SLC6A6: variants seen among roughly 807,000 people sequenced by gnomAD.
The protein encoded by SLC6A6 is sodium- and chloride-dependent taurine transporter.
SLC6A6 carries 16 observed loss-of-function variants against 68.8 expected under a neutral mutation model. The observed-to-expected ratio is 0.23, with a 90% CI of 0.16 to 0.35. The LOEUF (loss-of-function observed/expected upper bound fraction) is 0.35, where lower values mean the gene tolerates loss of function less well. Among genes scored for constraint, SLC6A6 ranks in the 10% least tolerant of loss-of-function variants. The probability of loss-of-function intolerance (pLI) is 1.00; values close to 1 mark genes in which losing one functional copy is unlikely to be tolerated. For missense variants in SLC6A6, 474 were observed against 802.8 expected, an observed-to-expected ratio of 0.59 and a Z score of 4.95; for synonymous variants, 312 against 315.4, an observed-to-expected ratio of 0.99 and a Z score of 0.12.
intron 6 of SLC6A6, among the ~76,000 whole-genome samples, chr3:14,463,591 G>T (rs370840801): frequency 6.6e-6 from 1 of 152,244 alleles, no homozygotes; most frequent in Non-Finnish European, 1.5e-5. Context: ...AAGGGCCCCA[G>T]AGGTGGGAAC....
chr3:14,476,865 C>T (rs967583382), intron 10 of SLC6A6, among the ~76,000 whole-genome samples: 17 of 152,202 alleles, frequency 1.1e-4, no homozygotes, highest in African/African-American at 3.4e-4. Context: ...GCTTCAGAGG[C>T]GCAGTTGTTC....
intron 3 of SLC6A6, among the ~76,000 whole-genome samples, chr3:14,444,548 G>C (rs528752900): frequency 6.6e-6 from 1 of 152,296 alleles, no homozygotes; most frequent in South Asian, 2.1e-4. Flanking sequence ...AGCACCTAAC[G>C]GTGGTTTCTT....
At chr3:14,412,478 G>A (rs1242430025) in intron 1 of SLC6A6, among the ~76,000 whole-genome samples, 3 of 152,148 alleles carry the variant, frequency 2.0e-5, no homozygotes, top group Admixed American at 6.5e-5. Context: ...TCAGGAGTTC[G>A]AGACCAGCCT....
chr3:14,466,928 G>A (rs934474849), intron 7 of SLC6A6, among the ~76,000 whole-genome samples: 1 of 152,202 alleles, frequency 6.6e-6, no homozygotes, highest in Admixed American at 6.5e-5. Context: ...CTGCACCAAG[G>A]GGGAGAAATC....
rs1487895451 is a variant in SLC6A6 at position 14,451,569 on chromosome 3, G to T, written c.599+3753G>T. The stretch of plus-strand genomic sequence containing the variant: ...ACATTTGAACTTTGTTCTCTTGGAG[G>T]AGGAACCATAGAAGGTATATGAGAA... On this transcript the variant is annotated intron_variant, in intron 5 of 14. Coordinates refer to ENST00000622186, the MANE Select transcript of SLC6A6 (RefSeq NM_003043.6). Among the ~76,000 whole-genome samples, 3 of 152,206 alleles carry T rather than the reference G, an allele frequency of 2.0e-5. No homozygotes were observed. In the East Asian group the frequency reaches 5.8e-4, roughly 29 times the overall value.
At chr3:14,480,439 AC>A (rs1700980777) in intron 13 of SLC6A6, among the ~76,000 whole-genome samples, 1 of 150,868 alleles carries the variant, frequency 6.6e-6, no homozygotes, top group African/African-American at 2.5e-5. Context: ...AGATGAGGTC[AC>A]CCTCATGGAG....
rs924698361 is a variant in SLC6A6, at chr3:14,468,884, A to C, written c.1096+672A>C. On this transcript the variant is annotated intron_variant, in intron 9 of 14. Coordinates refer to ENST00000622186, the MANE Select transcript of SLC6A6 (RefSeq NM_003043.6). This position sits in a 1 kb window ranked among gnomAD's most constrained non-coding sequence, Gnocchi z 4.5. ...TGGAGTCACAGGCATGGAGGATGCCAGTGGCTTAGAATCACGGACTCTGCA... is the reference window on the plus strand; with the variant it reads ...TGGAGTCACAGGCATGGAGGATGCCCGTGGCTTAGAATCACGGACTCTGCA... Among the ~76,000 whole-genome samples the C allele has an allele frequency of 6.6e-6, 1 of 152,102 alleles. No individual in the cohort carries two copies. The highest frequency in any genetic ancestry group is 1.5e-5 in the Non-Finnish European group (1 of 68,020).
chr3:14,445,688 C>T, intron 3 of SLC6A6, 29 bp from the exon 4 acceptor site: 2 of 1,613,850 alleles, frequency 1.2e-6, no homozygotes, highest in Non-Finnish European at 1.7e-6. Flanking sequence ...TGGCCACAGC[C>T]TCACTTTTGC....
At chr3:14,429,113 T>TGCCCAGCTCCAGGA (rs1699666106) in intron 2 of SLC6A6, among the ~76,000 whole-genome samples, 1 of 152,210 alleles carries the variant, frequency 6.6e-6, no homozygotes, top group African/African-American at 2.4e-5. Flanking sequence ...CTCACTCAGC[T>TGCCCAGCTCCAGGA]GCCCAGCTCC....
At chr3:14,422,081 G>C (rs539061874) in intron 2 of SLC6A6, among the ~76,000 whole-genome samples, 1 of 152,312 alleles carries the variant, frequency 6.6e-6, no homozygotes, top group Admixed American at 6.5e-5. Context: ...GTTCCTGGAA[G>C]GCATTTCCAT....
intron 2 of SLC6A6, among the ~76,000 whole-genome samples, chr3:14,438,771 A>G (rs1007276608): frequency 6.6e-6 from 1 of 152,260 alleles, no homozygotes; most frequent in African/African-American, 2.4e-5. Context: ...TCCTAAAAGC[A>G]TGGCAGAAGC....
intron 2 of SLC6A6, among the ~76,000 whole-genome samples, chr3:14,438,956 G>A (rs1368693092): frequency 6.6e-6 from 1 of 152,206 alleles, no homozygotes; most frequent in Non-Finnish European, 1.5e-5. Flanking sequence ...TAGAGGCAAG[G>A]GCTTGACTTT....
At chr3:14,427,136 A>C (rs949296193) in intron 2 of SLC6A6, among the ~76,000 whole-genome samples, 4 of 152,140 alleles carry the variant, frequency 2.6e-5, no homozygotes, top group Admixed American at 2.0e-4. Flanking sequence ...TCTGTGCCTC[A>C]GAGTAGAAGC....
Position 14,481,963 on chromosome 3 carries a change from C to T in SLC6A6, c.1722+122C>T. ...CTCTCTGAGCCATAGTTCCCTCACC[C>T]ATCCAGTGGTTCAGCTTATGGGCAG... On this transcript the variant is annotated intron_variant, in intron 14 of 14. Transcript: ENST00000622186. This position sits in a 1 kb window ranked among gnomAD's most constrained non-coding sequence, Gnocchi z 4.7. 3 of 760,996 alleles carry T rather than the reference C, an allele frequency of 3.9e-6. No individual in the cohort carries two copies. Among genetic ancestry groups the T allele is most frequent in the Non-Finnish European group, 6.4e-6 (3 of 465,828 alleles). 47.1% of individuals were successfully genotyped at this position (760,996 alleles called of 1,614,324 possible). A position where few individuals can be genotyped will look rare whatever the true frequency, so the allele number is the denominator to read the frequency against.
At position 14,450,977 on chromosome 3, in the gene SLC6A6, G is replaced by A. The variant is rs115702689; in HGVS notation, c.599+3161G>A. Among the ~76,000 whole-genome samples the A allele has an allele frequency of 8.9e-4, 136 of 152,232 alleles. No homozygotes were observed. Among genetic ancestry groups the A allele is most frequent in the Admixed American group, 1.7e-3 (26 of 15,288 alleles). On this transcript the variant is annotated intron_variant, in intron 5 of 14. Transcript: ENST00000622186. The surrounding 1 kb of genome is among the most constrained non-coding windows in gnomAD (Gnocchi z 4.1). ...CCACATCCAATTCACACATCTTCTT[G>A]GCTCCCCCTTCAGAGTATACCTACA... is the stretch of plus-strand genomic sequence containing the variant.
At chr3:14,474,464 GTC>G (rs1700827698) in intron 10 of SLC6A6, among the ~76,000 whole-genome samples, 1 of 152,122 alleles carries the variant, frequency 6.6e-6, no homozygotes, top group African/African-American at 2.4e-5. Flanking sequence ...ACCACCGTCC[GTC>G]TCCAGAACTT....
intron 1 of SLC6A6, among the ~76,000 whole-genome samples, chr3:14,414,840 A>G (rs1223579790): frequency 1.3e-5 from 2 of 152,138 alleles, no homozygotes; most frequent in African/African-American, 4.8e-5. Flanking sequence ...TGCCATTCTT[A>G]TCCTCCTCTC....
chr3:14,470,265 C>T (rs901428051), intron 9 of SLC6A6, among the ~76,000 whole-genome samples: 6 of 152,338 alleles, frequency 3.9e-5, no homozygotes, highest in South Asian at 2.1e-4. Context: ...TTATTCCCCA[C>T]GGTGATGTCT....
chr3:14,445,767 G>A lies in SLC6A6; in HGVS notation c.280G>A (p.Val94Met), dbSNP rs1305679234. ...TTTCCTGTTTGGGAGCGGCCTGCCTGTGTTTTTCTTGGAGATCATCATAGG... is the reference window on the plus strand; with the variant it reads ...TTTCCTGTTTGGGAGCGGCCTGCCTATGTTTTTCTTGGAGATCATCATAGG... ...FIFLFGSGLP[V>M]FFLEIIIGQY... is the part of the protein sequence containing the mutation. The change falls in exon 4 of 15, where the codon GTG becomes ATG. Residue 94 changes from valine (V) to methionine (M), a missense_variant. By Grantham distance (21) the Val-to-Met change is conservative. Transcript: ENST00000622186. 2 of 1,614,014 alleles carry A rather than the reference G, an allele frequency of 1.2e-6. No homozygotes were observed. The highest frequency in any genetic ancestry group is 1.7e-6 in the Non-Finnish European group (2 of 1,179,932).
Sources: allele counts gnomAD v4.1 joint callset (sites outside exome capture counted in the v4.1 genomes callset), GRCh38; gene constraint gnomAD v4.1.1; non-coding constraint Gnocchi (gnomAD v3.1); transcripts MANE v1.5; gene names NCBI Gene and HGNC (gene_info 2026-07-23, HGNC 2026-07-21).